Variants in DNAJC10 observed in about 807,000 individuals in gnomAD.
The protein encoded by DNAJC10 is endoplasmic reticulum disulfide reductase DNAJC10.
Under a neutral mutation model 115.0 loss-of-function variants are expected in DNAJC10, and 101 were observed. The observed-to-expected ratio is 0.88, with a 90% CI of 0.75 to 1.04. The LOEUF is 1.04. DNAJC10 is among the 50% of genes least tolerant of loss of function. DNAJC10 has a pLI of 0.00. For synonymous variants in DNAJC10, 307 were observed against 301.5 expected (o/e 1.02, Z -0.19); for missense variants, 981 against 928.8 (o/e 1.06, Z -0.73).
chr2:182,752,973 A>G (rs1050588446), intron 16 of DNAJC10, among the ~76,000 whole-genome samples: 4 of 152,324 alleles, frequency 2.6e-5, no homozygotes, highest in African/African-American at 9.6e-5. Context: ...ACCAAGTGCA[A>G]AGAAAGAGAT....
chr2:182,732,700 T>A (rs1176971054), intron 10 of DNAJC10, 158 bp downstream of exon 10: 1 of 644,482 alleles, frequency 1.6e-6, no homozygotes, highest in Non-Finnish European at 2.6e-6. Flanking sequence ...TGTTTTTTCC[T>A]GAATAATTAG....
chr2:182,774,852 C>T (rs1440696468), intron 22 of DNAJC10, among the ~76,000 whole-genome samples: 1 of 152,246 alleles, frequency 6.6e-6, no homozygotes, highest in East Asian at 1.9e-4. Context: ...TCTTCTCGCC[C>T]TCTGTGGGCT....
rs528451092 is a variant in DNAJC10, at chr2:182,769,168, T to C, written c.2266-6148T>C. On this transcript the variant is annotated intron_variant, in intron 22 of 23. Transcript: ENST00000264065. ...AAGGACATGAACGCATCCTTTTTTA[T>C]GGCTGCATAGTATTCCATGGTGTAT... Among the ~76,000 whole-genome samples, 29 of 152,332 alleles carry C rather than the reference T, an allele frequency of 1.9e-4. 1 individual carries two copies. Among genetic ancestry groups the C allele is most frequent in the Admixed American group, 1.7e-3 (26 of 15,292 alleles).
chr2:182,756,349 C>A lies in DNAJC10; in HGVS notation c.1689C>A (p.Pro563=). Residue 563 remains proline, a synonymous_variant, in exon 18 of 24, where the codon CCC becomes CCA. Transcript: ENST00000264065. ...LMNPSVVSLT[P]TTFNELVTQR... ...ATCCTTCAGTGGTCTCCCTTACACC[C>A]ACCACCTTCAACGAACTAGTTACAC... 6.2e-7 allele frequency: 1 copy of A among 1,613,860 alleles called. No homozygotes were observed. The highest frequency in any genetic ancestry group is 8.5e-7 in the Non-Finnish European group (1 of 1,179,800).
chr2:182,789,003 C>T lies in DNAJC10; in HGVS notation c.*11871C>T, dbSNP rs966918645. On this transcript the variant is annotated 3_prime_UTR_variant, in exon 24 of 24. Coordinates refer to ENST00000264065, the MANE Select transcript of DNAJC10 (RefSeq NM_018981.4). Reference sequence around the variant, plus strand: ...AGTAATTTCACATTGTTCAACCCATCTCCGTGACTTTATCTTGCAAAACTG... The same window carrying T: ...AGTAATTTCACATTGTTCAACCCATTTCCGTGACTTTATCTTGCAAAACTG... 7.5e-6 allele frequency: 2 copies of T among 265,322 alleles called. No homozygotes were observed. The highest frequency in any genetic ancestry group is 4.6e-5 in the African/African-American group (2 of 43,492). The allele number at this position is 265,322 out of a possible 1,614,324, so 16.4% of individuals were successfully genotyped here. A position where few individuals can be genotyped will look rare whatever the true frequency, so the allele number is the denominator to read the frequency against.
At chr2:182,739,237 T>TAC (rs1693669174) in intron 11 of DNAJC10, among the ~76,000 whole-genome samples, 1 of 146,328 alleles carries the variant, frequency 6.8e-6, no homozygotes, top group Non-Finnish European at 1.5e-5. Context: ...TATATATTTA[T>TAC]ATATATATAT....
rs1694681757 is a variant in DNAJC10 at position 182,775,438 on chromosome 2, A to G, written c.2370+18A>G. ...GGAATAAGGTATGGACTAAGCCTAG[A>G]GTTGACTTTGGCAAAAGTTGGCAAA... On this transcript the variant is annotated intron_variant, in intron 23 of 23. Transcript: ENST00000264065. 3 of 1,569,126 alleles carry G rather than the reference A, an allele frequency of 1.9e-6. No homozygotes were observed. In the East Asian group the frequency reaches 6.8e-5, roughly 35 times the overall value.
chr2:182,789,099 C>G lies in DNAJC10; in HGVS notation c.*11967C>G, dbSNP rs1194272983. On this transcript the variant is annotated 3_prime_UTR_variant, in exon 24 of 24. Coordinates refer to ENST00000264065, the MANE Select transcript of DNAJC10 (RefSeq NM_018981.4). ...CTAGACCCTGACAACCACCACCCTA[C>G]TTTCTATCAATATGACTACCATAGA... 4.7e-6 allele frequency: 1 copy of G among 215,014 alleles called. No individual in the cohort carries two copies. The highest frequency in any genetic ancestry group is 1.4e-4 in the East Asian group (1 of 6,988). 13.3% of individuals were successfully genotyped at this position (215,014 alleles called of 1,614,324 possible).
In DNAJC10 at chr2:182,762,873, TG is replaced by T. The variant is rs1694320327; in HGVS notation, c.2265+73del. ...AAAAGATGTGTTTCAGTCTGAGTAATGTTTTTTTTCTGTTTTCTCATCCTTG... is the reference window on the plus strand; with the variant it reads ...AAAAGATGTGTTTCAGTCTGAGTAATTTTTTTTTCTGTTTTCTCATCCTTG... On this transcript the variant is annotated intron_variant, in intron 22 of 23. Coordinates refer to ENST00000264065, the MANE Select transcript of DNAJC10 (RefSeq NM_018981.4). 4.7e-6 allele frequency: 7 copies of T among 1,491,684 alleles called. No individual in the cohort carries two copies. The South Asian group carries it at 5.3e-5, about 11-fold the overall frequency. 92.4% of individuals were successfully genotyped at this position (1,491,684 alleles called of 1,614,324 possible). A position where few individuals can be genotyped will look rare whatever the true frequency, so the allele number is the denominator to read the frequency against.
At chr2:182,746,300 AG>A (rs2105656001) in intron 14 of DNAJC10, among the ~76,000 whole-genome samples, 1 of 152,350 alleles carries the variant, frequency 6.6e-6, no homozygotes, top group East Asian at 1.9e-4. Flanking sequence ...TAGATCCCTG[AG>A]GATCTAGACT....
rs538078715 is a variant in DNAJC10 at position 182,751,031 on chromosome 2, A to G, written c.1307-627A>G. 9.2e-5 allele frequency among the ~76,000 whole-genome samples: 14 copies of G among 152,210 alleles called. 1 individual carries two copies. Among genetic ancestry groups the G allele is most frequent in the African/African-American group, 3.4e-4 (14 of 41,542 alleles). The stretch of plus-strand genomic sequence containing the variant: ...TAGAAAATGATTTAGGAGTTAGGCC[A>G]TAGTAATCACTGAAGTAAGCATAAT... On this transcript the variant is annotated intron_variant, in intron 14 of 23. Coordinates refer to ENST00000264065, the MANE Select transcript of DNAJC10 (RefSeq NM_018981.4).
intron 12 of DNAJC10, among the ~76,000 whole-genome samples, chr2:182,740,857 C>T (rs1485204492): frequency 1.2e-4 from 18 of 151,984 alleles, no homozygotes; most frequent in Admixed American, 1.2e-3. Flanking sequence ...ACCACAGTTA[C>T]TTTTGCACAA....
At chr2:182,762,541 AAAT>A (rs1299802371) in intron 21 of DNAJC10, 138 bp from the exon 22 acceptor site, 1 of 861,800 alleles carries the variant, frequency 1.2e-6, no homozygotes, top group Admixed American at 2.8e-5. Context: ...GATAATGTGG[AAAT>A]AATCTTGTTT....
rs1016188521 is a variant in DNAJC10, at chr2:182,752,183, A to G, written c.1546A>G (p.Asn516Asp). 4 of 1,500,068 alleles carry G rather than the reference A, an allele frequency of 2.7e-6. No homozygotes were observed. Among genetic ancestry groups the G allele is most frequent in the Admixed American group, 3.6e-5 (2 of 54,972 alleles). The allele number at this position is 1,500,068 out of a possible 1,614,324, so 92.9% of individuals were successfully genotyped here. ...TTGTACAGTTCATGAGGGACTCTGT[A>G]ACATGGTAAGGCAAAGTATCAAAAA... is the stretch of plus-strand genomic sequence containing the variant. Reference protein sequence around the residue: ...LDCTVHEGLCNMYNIQAYPTT... With the variant: ...LDCTVHEGLCDMYNIQAYPTT... The change falls in exon 16 of 24, where the codon AAC (asparagine) becomes GAC (aspartate). Residue 516 changes from asparagine (N) to aspartate (D), a missense_variant. By Grantham distance (23) the Asn-to-Asp change is conservative. Coordinates refer to ENST00000264065, the MANE Select transcript of DNAJC10 (RefSeq NM_018981.4).
chr2:182,736,213 A>C, intron 10 of DNAJC10, 36 bp from the exon 11 acceptor site: 3 of 1,532,988 alleles, frequency 2.0e-6, no homozygotes, highest in East Asian at 5.1e-5. Flanking sequence ...TTTGCCTCCC[A>C]TTTACAACAT....
chr2:182,734,753 T>C (rs1208710540), intron 10 of DNAJC10, among the ~76,000 whole-genome samples: 1 of 151,844 alleles, frequency 6.6e-6, no homozygotes, highest in Non-Finnish European at 1.5e-5. Context: ...ATTAGATGGA[T>C]ATTAATTTAG....
chr2:182,751,712 A>C lies in DNAJC10; in HGVS notation c.1361A>C (p.His454Pro). 1 of 1,614,040 alleles carries C rather than the reference A, an allele frequency of 6.2e-7. No individual in the cohort carries two copies. Among genetic ancestry groups the C allele is most frequent in the Non-Finnish European group, 8.5e-7 (1 of 1,179,892 alleles). ...LAFAKESVNS[H>P]VTTLGPQNFP... ...TTTGCCAAAGAAAGTGTGAATTCTCATGTTACCACGCTTGGACCTCAAAAT... is the reference window on the plus strand; with the variant it reads ...TTTGCCAAAGAAAGTGTGAATTCTCCTGTTACCACGCTTGGACCTCAAAAT... The change falls in exon 15 of 24, where the codon CAT (histidine) becomes CCT (proline). Residue 454 changes from histidine to proline, a missense_variant. Transcript: ENST00000264065.
intron 11 of DNAJC10, among the ~76,000 whole-genome samples, chr2:182,737,777 T>C (rs1272546447): frequency 6.6e-6 from 1 of 152,236 alleles, no homozygotes; most frequent in Admixed American, 6.5e-5. Flanking sequence ...CCCATATTAT[T>C]TGATGAAAAC....
chr2:182,742,992 G>A (rs1693775009), intron 13 of DNAJC10, among the ~76,000 whole-genome samples: 1 of 151,984 alleles, frequency 6.6e-6, no homozygotes, highest in Non-Finnish European at 1.5e-5. Context: ...GACTACAGGT[G>A]CAAGCCACCA....
Sources: gnomAD v4.1 joint callset for allele counts (sites outside exome capture counted in the v4.1 genomes callset) on GRCh38, gnomAD v4.1.1 for gene constraint, MANE v1.5 for transcripts, NCBI Gene and HGNC (gene_info 2026-07-23, HGNC 2026-07-21) for gene names.